Variants in HOXA3 observed in about 807,000 individuals in gnomAD.
HOXA3 encodes the protein homeobox A3, also known as homeobox protein Hox-A3.
A neutral mutation model predicts 30.3 loss-of-function variants in HOXA3; 8 were observed. The observed-to-expected ratio is 0.26, with a 90% CI of 0.15 to 0.48. HOXA3 has a LOEUF of 0.48. Ranked by LOEUF, HOXA3 falls within the 20% of genes least tolerant of loss-of-function variation. HOXA3 has a pLI of 0.99. For missense variants in HOXA3, 653 were observed against 614.4 expected (o/e 1.06, Z -0.66); for synonymous variants, 323 against 273.1 (o/e 1.18, Z -1.80).
chr7:27,145,622 G>A, intron 1 of HOXA3: 1 of 1,594,232 alleles, frequency 6.3e-7, no homozygotes, highest in African/African-American at 1.3e-5. Context: ...AAAGCCGAAG[G>A]AGGTTGCAGC....
rs553860449 is a variant in HOXA3, at chr7:27,127,967, C to T, written c.-389-897G>A. ...AAGCAAACAAACAAAAATTCCCAGT[C>T]TGTAGTTAGTGAAGAGGACCTTAAG... On this transcript the variant is annotated intron_variant, in intron 2 of 5. Coordinates refer to ENST00000612286, the MANE Select transcript of HOXA3 (RefSeq NM_153631.3). Among the ~76,000 whole-genome samples, 3 of 152,324 alleles carry T rather than the reference C, an allele frequency of 2.0e-5. No homozygotes were observed. The South Asian group carries it at 6.2e-4, about 32-fold the overall frequency.
intron 1 of HOXA3, among the ~76,000 whole-genome samples, chr7:27,148,100 T>G (rs1293063448): frequency 3.9e-5 from 6 of 152,246 alleles, no homozygotes; most frequent in Non-Finnish European, 5.9e-5. Context: ...GTAGGGACAC[T>G]AATGCTTGGG....
chr7:27,135,383 A>T (rs577806719), intron 2 of HOXA3, among the ~76,000 whole-genome samples: 4 of 152,216 alleles, frequency 2.6e-5, no homozygotes, highest in Middle Eastern at 3.4e-3. Context: ...CATTAAAAAA[A>T]TTTCCAAACA....
chr7:27,130,772 TGTC>T (rs1366133072), intron 2 of HOXA3: 1 of 1,573,978 alleles, frequency 6.4e-7, no homozygotes, highest in African/African-American at 1.4e-5. Context: ...TTTCTCGCGT[TGTC>T]GTTTTTTCTG....
At chr7:27,130,406 G>C (rs1252663742) in intron 2 of HOXA3, 1 of 1,168,624 alleles carries the variant, frequency 8.6e-7, no homozygotes, top group Non-Finnish European at 1.1e-6. Flanking sequence ...GGCCGCCCGG[G>C]GCTGGCGCCG....
At position 27,141,861 on chromosome 7, in the gene HOXA3, C is replaced by T. The variant is rs766494765; in HGVS notation, c.-493-1675G>A. 48 of 1,614,150 alleles carry T rather than the reference C, an allele frequency of 3.0e-5. No homozygotes were observed. The South Asian group carries it at 5.3e-4, about 18-fold the overall frequency. On this transcript the variant is annotated intron_variant, in intron 1 of 5. Coordinates refer to ENST00000612286, the MANE Select transcript of HOXA3 (RefSeq NM_153631.3). ...CAGGGACGGAAGGCCCCTCCTGCCG[C>T]GGCCATGCTCATGCTTTTCAGCTTA...
In HOXA3 at chr7:27,108,293, G is replaced by C; in HGVS notation, c.954C>G (p.Ser318Arg). The C allele has an allele frequency of 1.3e-6, 2 of 1,521,556 alleles. No individual in the cohort carries two copies. The highest frequency in any genetic ancestry group is 1.8e-6 in the Non-Finnish European group (2 of 1,134,826). The allele number at this position is 1,521,556 out of a possible 1,614,324, so 94.3% of individuals were successfully genotyped here. A position where few individuals can be genotyped will look rare whatever the true frequency, so the allele number is the denominator to read the frequency against. The change falls in exon 6 of 6, where the codon AGC becomes AGG. Residue 318 changes from serine (S) to arginine (R), a missense_variant. By Grantham distance (110) the Ser-to-Arg change is moderately radical. Coordinates refer to ENST00000612286, the MANE Select transcript of HOXA3 (RefSeq NM_153631.3). The surrounding 1 kb of genome is among the most constrained non-coding windows in gnomAD (Gnocchi z 5.0). ...TCTGTGGGGGTGGCGGGGGTGCGCA[G>C]CTGGGCAGGGACGCAGGGTAGGAGG... ...PPASYPASLP[S>R]CAPPPPPQKR...
intron 2 of HOXA3, among the ~76,000 whole-genome samples, chr7:27,131,080 C>T (rs1049760937): frequency 5.5e-4 from 84 of 152,260 alleles, no homozygotes; most frequent in African/African-American, 2.0e-3. Context: ...TGGACCCCAG[C>T]CCCCCAGCTT....
At chr7:27,123,146 G>A (rs1392783288) in intron 3 of HOXA3, 1 of 152,224 alleles carries the variant, frequency 6.6e-6, no homozygotes, top group East Asian at 1.9e-4. Flanking sequence ...ATTTCTGTAG[G>A]CGCGAAATCA....
intron 5 of HOXA3, among the ~76,000 whole-genome samples, chr7:27,109,304 C>T (rs1277585808): frequency 1.3e-5 from 2 of 152,204 alleles, no homozygotes; most frequent in Non-Finnish European, 2.9e-5. Context: ...ATGCTAGGTC[C>T]TATTCTTTAG....
At chr7:27,119,519 T>TTTG (rs1334201849) in intron 4 of HOXA3, 2 of 152,220 alleles carry the variant, frequency 1.3e-5, no homozygotes, top group African/African-American at 2.4e-5. Context: ...ATTGTACCGT[T>TTTG]TCATGAGCTG....
chr7:27,113,892 C>G lies in HOXA3; in HGVS notation c.-120-3132G>C, dbSNP rs1646223350. The G allele has an allele frequency of 6.6e-6, 1 of 151,122 alleles. No individual in the cohort carries two copies. The highest frequency in any genetic ancestry group is 2.1e-4 in the South Asian group (1 of 4,810). 9.4% of individuals were successfully genotyped at this position (151,122 alleles called of 1,614,324 possible). A position where few individuals can be genotyped will look rare whatever the true frequency, so the allele number is the denominator to read the frequency against. On this transcript the variant is annotated intron_variant, in intron 4 of 5. Transcript: ENST00000612286. The surrounding 1 kb of genome is among the most constrained non-coding windows in gnomAD (Gnocchi z 4.8). ...CCCACCCCACCCACCCACCCCTCCC[C>G]CACACCCCCGCCCCCTGCCCTTCCC...
intron 2 of HOXA3, among the ~76,000 whole-genome samples, chr7:27,127,490 C>A (rs1270343225): frequency 6.6e-6 from 1 of 152,234 alleles, no homozygotes; most frequent in Non-Finnish European, 1.5e-5. Flanking sequence ...TTTAAAAATT[C>A]TCTGATATTG....
rs1398599581 is a variant in HOXA3 at position 27,110,691 on chromosome 7, G to T, written c.-51C>A. On this transcript the variant is annotated 5_prime_UTR_variant, in exon 5 of 6. Transcript: ENST00000612286. ...ACACTCTGACAGGGGTTTGACACCC[G>T]TGAGGGCGCACATTGGCACGCCCCC... The T allele has an allele frequency of 2.5e-6, 4 of 1,585,368 alleles. No homozygotes were observed. Among genetic ancestry groups the T allele is most frequent in the Admixed American group, 1.7e-5 (1 of 59,532 alleles).
At chr7:27,147,792 A>G in intron 1 of HOXA3, 1 of 1,527,230 alleles carries the variant, frequency 6.5e-7, no homozygotes, top group Non-Finnish European at 8.9e-7. Context: ...GTGTATTAGT[A>G]CATCTGGCTA....
chr7:27,117,751 C>T (rs1280255823), intron 4 of HOXA3, among the ~76,000 whole-genome samples: 1 of 151,616 alleles, frequency 6.6e-6, no homozygotes, highest in Non-Finnish European at 1.5e-5. Context: ...CCCCTTCTCA[C>T]CCACCCATCC....
At chr7:27,145,132 G>A (rs1782704846) in intron 1 of HOXA3, among the ~76,000 whole-genome samples, 1 of 152,182 alleles carries the variant, frequency 6.6e-6, no homozygotes, top group Non-Finnish European at 1.5e-5. Context: ...TTGGGAGGCC[G>A]CGACAAGGCC....
intron 4 of HOXA3, among the ~76,000 whole-genome samples, chr7:27,120,740 G>A (rs1784965895): frequency 6.6e-6 from 1 of 152,090 alleles, no homozygotes; most frequent in South Asian, 2.1e-4. Flanking sequence ...GATTTGGTGG[G>A]ATGAGAAGGG....
intron 1 of HOXA3, chr7:27,147,066 G>A: frequency 1.8e-6 from 1 of 565,194 alleles, no homozygotes; most frequent in South Asian, 2.4e-5. Flanking sequence ...ACGTGCCAGT[G>A]CCCCCATCCT....
Sources: gnomAD v4.1 joint callset for allele counts (sites outside exome capture counted in the v4.1 genomes callset) on GRCh38, gnomAD v4.1.1 for gene constraint, Gnocchi (gnomAD v3.1) non-coding constraint, MANE v1.5 for transcripts, NCBI Gene and HGNC (gene_info 2026-07-23, HGNC 2026-07-21) for gene names.